SYNGR4: variants seen among roughly 807,000 people sequenced by gnomAD.
The protein encoded by SYNGR4 is synaptogyrin 4.
SYNGR4 carries 15 observed loss-of-function variants against 15.5 expected under a neutral mutation model. That is an observed-to-expected ratio of 0.97 (90% CI 0.65 to 1.49). The LOEUF (loss-of-function observed/expected upper bound fraction) is 1.49. SYNGR4 is among the 40% of genes most tolerant of loss of function. The probability of loss-of-function intolerance (pLI) is 0.00; values close to 1 mark genes in which losing one functional copy is unlikely to be tolerated. For missense variants in SYNGR4, 292 were observed against 299.3 expected (o/e 0.98, Z 0.18); for synonymous variants, 121 against 127.4 (o/e 0.95, Z 0.34).
chr19:48,375,789 G>T (rs1163199375), intron 4 of SYNGR4, 37 bp downstream of exon 4: 1 of 1,598,318 alleles, frequency 6.3e-7, no homozygotes, highest in African/African-American at 1.3e-5. Context: ...TCCCTAGGAG[G>T]GCACCCTCTG....
chr19:48,374,076 CTTT>C (rs946583656), intron 3 of SYNGR4, among the ~76,000 whole-genome samples: 33 of 132,730 alleles, frequency 2.5e-4, no homozygotes, highest in African/African-American at 6.0e-4. Context: ...GAAAATCTCT[CTTT>C]TTTTTTTTTT....
intron 2 of SYNGR4, 130 bp downstream of exon 2, chr19:48,366,065 T>C: frequency 1.1e-6 from 1 of 902,474 alleles, no homozygotes. Context: ...ACGGAGCAAA[T>C]GCTGACACCA....
chr19:48,368,685 T>C (rs1970256694), intron 2 of SYNGR4, among the ~76,000 whole-genome samples: 1 of 151,548 alleles, frequency 6.6e-6, no homozygotes, highest in East Asian at 1.9e-4. Flanking sequence ...CAGGCTTAAA[T>C]AGTGATTATT....
intron 3 of SYNGR4, 97 bp from the exon 4 acceptor site, chr19:48,375,516 G>T (rs1440378365): frequency 6.8e-7 from 1 of 1,474,828 alleles, no homozygotes; most frequent in Non-Finnish European, 9.2e-7. Context: ...GTGGAAGTTC[G>T]TGCAGCAAGA....
chr19:48,368,539 C>A lies in SYNGR4; in HGVS notation c.93+2604C>A, dbSNP rs1158496274. Among the ~76,000 whole-genome samples the A allele has an allele frequency of 2.0e-5, 3 of 152,110 alleles. No homozygotes were observed. The East Asian group carries it at 5.8e-4, about 29-fold the overall frequency. On this transcript the variant is annotated intron_variant, in intron 2 of 4. Transcript: ENST00000344846. Reference sequence around the variant, plus strand: ...GGATTACCAGCGTGCACCACCATGCCTGGCTAATTTTTGTATTTTTAGTAG... The same window carrying A: ...GGATTACCAGCGTGCACCACCATGCATGGCTAATTTTTGTATTTTTAGTAG...
intron 2 of SYNGR4, among the ~76,000 whole-genome samples, chr19:48,367,382 G>A (rs896776568): frequency 3.3e-5 from 5 of 150,036 alleles, no homozygotes; most frequent in African/African-American, 9.8e-5. Context: ...GCAGTGAGCC[G>A]AGATCACACC....
rs1261175577 is a variant in SYNGR4, at chr19:48,376,191, C to T, written c.578C>T (p.Pro193Leu). ...GGMVLTTLPL[P>L]SANSPVNMPT... ...ATGGTGCTGACCACCCTCCCCTTGC[C>T]CTCTGCCAACAGCCCTGTGAACATG... Residue 193 changes from proline (P) to leucine (L), a missense_variant, in exon 5 of 5, where the codon CCC becomes CTC. Physicochemically the swap from Pro to Leu is moderately conservative, Grantham distance 98. Coordinates refer to ENST00000344846, the MANE Select transcript of SYNGR4 (RefSeq NM_012451.4). 1.2e-6 allele frequency: 2 copies of T among 1,614,126 alleles called. No individual in the cohort carries two copies. Among genetic ancestry groups the T allele is most frequent in the Non-Finnish European group, 1.7e-6 (2 of 1,180,038 alleles).
In SYNGR4 at chr19:48,365,862, T is replaced by C. The variant is rs773727573; in HGVS notation, c.20T>C (p.Leu7Pro). 2.5e-6 allele frequency: 4 copies of C among 1,613,586 alleles called. No homozygotes were observed. The highest frequency in any genetic ancestry group is 1.3e-5 in the African/African-American group (1 of 74,884). Residue 7 changes from leucine (L) to proline (P), a missense_variant, in exon 2 of 5, where the codon CTC becomes CCC. Leu to Pro is a moderately conservative substitution (Grantham distance 98, BLOSUM62 -3). Coordinates refer to ENST00000344846, the MANE Select transcript of SYNGR4 (RefSeq NM_012451.4). MHIPKS[L>P]QELANSEAVQ... ...GCTGCCATGCACATCCCCAAAAGCCTCCAGGAGCTGGCCAACAGCGAAGCC... is the reference window on the plus strand; with the variant it reads ...GCTGCCATGCACATCCCCAAAAGCCCCCAGGAGCTGGCCAACAGCGAAGCC...
intron 2 of SYNGR4, among the ~76,000 whole-genome samples, chr19:48,368,970 A>G (rs1446687108): frequency 1.3e-5 from 2 of 152,116 alleles, no homozygotes; most frequent in Non-Finnish European, 2.9e-5. Context: ...GGATCCACCC[A>G]CCTATCTGGA....
At position 48,373,582 on chromosome 19, in the gene SYNGR4, G is replaced by T. The variant is rs146615502; in HGVS notation, c.159G>T (p.Pro53=). The T allele has an allele frequency of 4.3e-6, 7 of 1,613,740 alleles. No individual in the cohort carries two copies. The highest frequency in any genetic ancestry group is 5.1e-6 in the Non-Finnish European group (6 of 1,180,014). The change falls in exon 3 of 5, where the codon CCG becomes CCT. Residue 53 remains proline, a synonymous_variant. Transcript: ENST00000344846. Reference sequence around the variant, plus strand: ...GCTACCAGAACAAGATGGAGTCTCCGCAGCTCCACTGCATTCTCAACAGCA... The same window carrying T: ...GCTACCAGAACAAGATGGAGTCTCCTCAGCTCCACTGCATTCTCAACAGCA... ...TDGYQNKMES[P]QLHCILNSNS...
At chr19:48,372,099 G>T (rs2147407411) in intron 2 of SYNGR4, among the ~76,000 whole-genome samples, 1 of 152,008 alleles carries the variant, frequency 6.6e-6, no homozygotes, top group Non-Finnish European at 1.5e-5. Flanking sequence ...TGCCCAGGCT[G>T]GTCTCAAACT....
intron 3 of SYNGR4, among the ~76,000 whole-genome samples, chr19:48,375,057 G>A (rs1970380222): frequency 7.0e-6 from 1 of 143,516 alleles, no homozygotes; most frequent in Non-Finnish European, 1.5e-5. Context: ...ACAGAGTTGC[G>A]CTCTGTCGCC....
At chr19:48,375,829 C>A in intron 4 of SYNGR4, 77 bp downstream of exon 4, 1 of 1,564,460 alleles carries the variant, frequency 6.4e-7, no homozygotes, top group Non-Finnish European at 8.6e-7. Context: ...CTAGAACATT[C>A]CTGCTCTCAC....
chr19:48,365,758 G>A lies in SYNGR4; in HGVS notation c.-85G>A. ...CAGCAGCCAAGCCCAGGGCTGGCCT[G>A]AAGCCCCCGGACGGCAGTGCCCAGC... On this transcript the variant is annotated 5_prime_UTR_variant, in exon 2 of 5. Coordinates refer to ENST00000344846, the MANE Select transcript of SYNGR4 (RefSeq NM_012451.4). The A allele has an allele frequency of 6.9e-7, 1 of 1,445,724 alleles. No homozygotes were observed. Among genetic ancestry groups the A allele is most frequent in the Middle Eastern group, 1.9e-4 (1 of 5,338 alleles). 89.6% of individuals were successfully genotyped at this position (1,445,724 alleles called of 1,614,324 possible).
intron 4 of SYNGR4, 53 bp from the exon 5 acceptor site, chr19:48,376,032 T>G (rs748712406): frequency 1.2e-6 from 2 of 1,613,300 alleles, no homozygotes; most frequent in South Asian, 2.2e-5. Flanking sequence ...CCAGTCCCTC[T>G]CCTGACCTGC....
At chr19:48,370,432 G>A (rs953392236) in intron 2 of SYNGR4, among the ~76,000 whole-genome samples, 2 of 152,068 alleles carry the variant, frequency 1.3e-5, no homozygotes, top group African/African-American at 2.4e-5. Flanking sequence ...GCAGTGAGCC[G>A]TGATCACGCC....
chr19:48,375,414 T>A (rs1970385785), intron 3 of SYNGR4, among the ~76,000 whole-genome samples, 199 bp from the exon 4 acceptor site: 1 of 152,058 alleles, frequency 6.6e-6, no homozygotes, highest in African/African-American at 2.4e-5. Context: ...CTCCAGCAGC[T>A]CACTTTAGGG....
At chr19:48,371,756 T>A (rs981274363) in intron 2 of SYNGR4, among the ~76,000 whole-genome samples, 3 of 151,212 alleles carry the variant, frequency 2.0e-5, no homozygotes, top group African/African-American at 4.9e-5. Flanking sequence ...TTTTTTTTTT[T>A]AAGAAGTTTT....
chr19:48,365,974 C>G, intron 2 of SYNGR4, 39 bp downstream of exon 2: 1 of 1,595,374 alleles, frequency 6.3e-7, no homozygotes, highest in South Asian at 1.1e-5. Flanking sequence ...CCCTGGGTGA[C>G]AGGAGCCAGG....
Sources: gnomAD v4.1 joint callset for allele counts (sites outside exome capture counted in the v4.1 genomes callset) on GRCh38, gnomAD v4.1.1 for gene constraint, MANE v1.5 for transcripts, NCBI Gene and HGNC (gene_info 2026-07-23, HGNC 2026-07-21) for gene names.